MCPH1: variants seen among roughly 807,000 people sequenced by gnomAD.
MCPH1 encodes the protein microcephalin 1.
Under a neutral mutation model 84.5 loss-of-function variants are expected in MCPH1, and 104 were observed. The observed-to-expected ratio is 1.23, with a 90% CI of 1.05 to 1.45. The LOEUF (loss-of-function observed/expected upper bound fraction) is 1.45. MCPH1 is among the 40% of genes most tolerant of loss of function. The probability of loss-of-function intolerance (pLI) is 0.00; values close to 1 mark genes in which losing one functional copy is unlikely to be tolerated. For missense variants in MCPH1, 1,498 were observed against 1,005.7 expected (o/e 1.49, Z -6.62); for synonymous variants, 514 against 366.8 (o/e 1.40, Z -4.58).
intron 13 of MCPH1, chr8:6,625,377 C>T (rs952351641): frequency 1.0e-6 from 1 of 985,440 alleles, no homozygotes; most frequent in African/African-American, 1.7e-5. Flanking sequence ...CGACAAAGCA[C>T]ATTGTGTCTT....
chr8:6,534,507 C>T (rs1257240514), intron 12 of MCPH1, among the ~76,000 whole-genome samples: 1 of 152,120 alleles, frequency 6.6e-6, no homozygotes, highest in Non-Finnish European at 1.5e-5. Flanking sequence ...TTACTCAAGC[C>T]ATCCACCCGC....
intron 4 of MCPH1, among the ~76,000 whole-genome samples, chr8:6,432,498 C>T (rs1011645723): frequency 1.5e-4 from 23 of 152,166 alleles, no homozygotes; most frequent in Admixed American, 1.5e-3. Flanking sequence ...CACATTTTAA[C>T]CACAACCTTT....
chr8:6,485,211 G>T (rs1489474093), intron 11 of MCPH1, among the ~76,000 whole-genome samples: 1 of 152,014 alleles, frequency 6.6e-6, no homozygotes, highest in Non-Finnish European at 1.5e-5. Flanking sequence ...TATAATCCCA[G>T]CTACTCAGGA....
At chr8:6,439,834 C>A (rs1270449775) in intron 6 of MCPH1, among the ~76,000 whole-genome samples, 5 of 152,080 alleles carry the variant, frequency 3.3e-5, no homozygotes, top group Admixed American at 6.5e-5. Flanking sequence ...AAACATTTAT[C>A]AAAGTAGCTA....
At chr8:6,473,354 G>A (rs1202358551) in intron 9 of MCPH1, among the ~76,000 whole-genome samples, 15 of 110,008 alleles carry the variant, frequency 1.4e-4, no homozygotes, top group Non-Finnish European at 2.3e-4. Context: ...TTTTTGAGAC[G>A]GAGTCGGGCT....
intron 1 of MCPH1, among the ~76,000 whole-genome samples, chr8:6,408,288 A>G (rs1798026015): frequency 6.7e-6 from 1 of 149,640 alleles, no homozygotes; most frequent in African/African-American, 2.5e-5. Context: ...GAGCGCAGTG[A>G]TGTGATCACA....
intron 9 of MCPH1, among the ~76,000 whole-genome samples, chr8:6,466,202 T>G (rs1457351996): frequency 6.7e-6 from 1 of 150,096 alleles, no homozygotes; most frequent in Non-Finnish European, 1.5e-5. Flanking sequence ...AGTTGCGCGA[T>G]CTTTGCTCAT....
intron 13 of MCPH1, among the ~76,000 whole-genome samples, chr8:6,638,065 G>A (rs1372413470): frequency 1.3e-5 from 2 of 152,164 alleles, no homozygotes; most frequent in Non-Finnish European, 2.9e-5. Flanking sequence ...CAGAAGCAGT[G>A]CCTACAGGAC....
intron 13 of MCPH1, chr8:6,626,543 G>A (rs1832099863): frequency 3.1e-6 from 3 of 977,298 alleles, no homozygotes; most frequent in Admixed American, 6.7e-5. Flanking sequence ...AAAAATAAAC[G>A]GGAAAACAAA....
chr8:6,542,580 G>T (rs1821810758), intron 12 of MCPH1, among the ~76,000 whole-genome samples: 1 of 149,724 alleles, frequency 6.7e-6, no homozygotes, highest in South Asian at 2.1e-4. Flanking sequence ...TCGCTGTACT[G>T]ATATGCCTAT....
intron 9 of MCPH1, among the ~76,000 whole-genome samples, chr8:6,457,039 A>G (rs961062012): frequency 6.6e-6 from 1 of 152,222 alleles, no homozygotes; most frequent in Non-Finnish European, 1.5e-5. Context: ...TTGAGTAATG[A>G]TAAAAGAATG....
At chr8:6,459,073 G>T (rs1181461764) in intron 9 of MCPH1, among the ~76,000 whole-genome samples, 2 of 152,190 alleles carry the variant, frequency 1.3e-5, no homozygotes, top group Non-Finnish European at 2.9e-5. Context: ...TAGTTTCCTG[G>T]TTTTAAAAGT....
At chr8:6,522,965 A>G (rs937839042) in intron 12 of MCPH1, among the ~76,000 whole-genome samples, 2 of 151,996 alleles carry the variant, frequency 1.3e-5, no homozygotes, top group Non-Finnish European at 2.9e-5. Flanking sequence ...TTAATACATA[A>G]CAGTTAATAT....
At chr8:6,625,196 A>T (rs1418382173) in intron 13 of MCPH1, 1 of 985,292 alleles carries the variant, frequency 1.0e-6, no homozygotes, top group Non-Finnish European at 1.2e-6. Flanking sequence ...TTTTCTGTGG[A>T]ATGCATTTAC....
At chr8:6,431,414 T>C in intron 3 of MCPH1, 85 bp from the exon 4 acceptor site, 1 of 975,352 alleles carries the variant, frequency 1.0e-6, no homozygotes, top group Non-Finnish European at 1.6e-6. Flanking sequence ...ATTTCTTAAA[T>C]TGCTAATACA....
intron 12 of MCPH1, among the ~76,000 whole-genome samples, chr8:6,511,706 G>T (rs1406172533): frequency 6.6e-6 from 1 of 152,080 alleles, no homozygotes; most frequent in African/African-American, 2.4e-5. Context: ...ATCTTGCCAA[G>T]CAAATTAAGC....
intron 12 of MCPH1, among the ~76,000 whole-genome samples, chr8:6,592,627 T>TC (rs1471265990): frequency 7.2e-6 from 1 of 138,752 alleles, no homozygotes; most frequent in Non-Finnish European, 1.6e-5. Flanking sequence ...TTTTTTGTTT[T>TC]TTTTTTTTTT....
chr8:6,422,374 T>C (rs576908189), intron 3 of MCPH1, among the ~76,000 whole-genome samples: 38 of 152,284 alleles, frequency 2.5e-4, no homozygotes, highest in African/African-American at 9.1e-4. Context: ...CGTATAGAAA[T>C]GTGGAGGGGA....
intron 12 of MCPH1, among the ~76,000 whole-genome samples, chr8:6,551,434 A>G (rs1011207973): frequency 6.6e-6 from 1 of 152,238 alleles, no homozygotes; most frequent in African/African-American, 2.4e-5. Flanking sequence ...AGGAAAAAAC[A>G]TGCATGGATT....
Sources: gnomAD v4.1 joint callset for allele counts (sites outside exome capture counted in the v4.1 genomes callset) on GRCh38, gnomAD v4.1.1 for gene constraint, MANE v1.5 for transcripts, NCBI Gene and HGNC (gene_info 2026-07-23, HGNC 2026-07-21) for gene names.